The following HCN1 variants were observed in gnomAD, a reference collection of about 807,000 sequenced individuals.
The protein encoded by HCN1 is potassium/sodium hyperpolarization-activated cyclic nucleotide-gated channel 1.
In HCN1, 13 loss-of-function variants were observed where a neutral mutation model predicts 78.9. The ratio of observed to expected loss-of-function variants is 0.16; its 90% CI spans 0.11 to 0.26. The LOEUF (loss-of-function observed/expected upper bound fraction) is 0.26. HCN1 is among the 10% of genes least tolerant of loss of function. HCN1 has a pLI of 1.00. For missense variants in HCN1, 810 were observed against 1,154.3 expected, an observed-to-expected ratio of 0.70 and a Z score of 4.32; for synonymous variants, 552 against 455.5, an observed-to-expected ratio of 1.21 and a Z score of -2.70.
chr5:45,345,085 G>A (rs1463813743), intron 5 of HCN1, among the ~76,000 whole-genome samples: 1 of 152,052 alleles, frequency 6.6e-6, no homozygotes, highest in South Asian at 2.1e-4. Context: ...CTTGACTTTT[G>A]TGACCCCCAC....
chr5:45,515,261 C>A (rs1742495172), intron 2 of HCN1, among the ~76,000 whole-genome samples: 1 of 151,676 alleles, frequency 6.6e-6, no homozygotes, highest in Non-Finnish European at 1.5e-5. Flanking sequence ...AATTACTTGC[C>A]CAAAGAAGCT....
intron 4 of HCN1, among the ~76,000 whole-genome samples, chr5:45,395,995 G>A (rs1257232679): frequency 6.6e-6 from 1 of 152,172 alleles, no homozygotes; most frequent in Non-Finnish European, 1.5e-5. Flanking sequence ...TAAGACTGGA[G>A]AGTGTGGCGA....
intron 2 of HCN1, among the ~76,000 whole-genome samples, chr5:45,467,723 G>C (rs1364412790): frequency 6.6e-6 from 1 of 151,814 alleles, no homozygotes; most frequent in Non-Finnish European, 1.5e-5. Context: ...TTCAGTTTCA[G>C]CTTAAAGTTT....
intron 2 of HCN1, among the ~76,000 whole-genome samples, chr5:45,507,386 G>A (rs575820710): frequency 2.0e-4 from 30 of 152,258 alleles, no homozygotes; most frequent in African/African-American, 7.2e-4. Context: ...GCCTTAGTCT[G>A]AGCATGGTTT....
intron 2 of HCN1, among the ~76,000 whole-genome samples, chr5:45,590,467 A>G (rs1460299008): frequency 6.6e-6 from 1 of 152,202 alleles, no homozygotes; most frequent in Non-Finnish European, 1.5e-5. Context: ...TGGCTTTGGT[A>G]TAGTTACAGT....
chr5:45,396,375 A>T, intron 4 of HCN1, 117 bp downstream of exon 4: 1 of 835,764 alleles, frequency 1.2e-6, no homozygotes, highest in Non-Finnish European at 2.0e-6. Context: ...TTTACTTTAA[A>T]CATTTTATCT....
chr5:45,347,181 C>T (rs559073329), intron 5 of HCN1, among the ~76,000 whole-genome samples: 8 of 152,288 alleles, frequency 5.3e-5, no homozygotes, highest in South Asian at 2.1e-4. Context: ...TCCAGAGGAA[C>T]GATCAGACAG....
intron 2 of HCN1, among the ~76,000 whole-genome samples, chr5:45,568,758 G>A (rs1743767252): frequency 6.6e-6 from 1 of 151,990 alleles, no homozygotes; most frequent in Non-Finnish European, 1.5e-5. Context: ...AAACCACTAG[G>A]TTCTTTTTTT....
chr5:45,451,104 T>C (rs953136534), intron 3 of HCN1, among the ~76,000 whole-genome samples: 9 of 152,280 alleles, frequency 5.9e-5, no homozygotes, highest in African/African-American at 2.2e-4. Context: ...TACAATGAAT[T>C]TGAATACAAA....
chr5:45,386,875 T>C (rs1747934325), intron 4 of HCN1, among the ~76,000 whole-genome samples: 1 of 152,088 alleles, frequency 6.6e-6, no homozygotes, highest in East Asian at 1.9e-4. Context: ...AATATTTTAA[T>C]AGAGGCTTTT....
chr5:45,560,296 T>C (rs1183787560), intron 2 of HCN1, among the ~76,000 whole-genome samples: 2 of 152,096 alleles, frequency 1.3e-5, no homozygotes, highest in African/African-American at 4.8e-5. Context: ...AGTCATATAC[T>C]GAAATTTTAT....
At chr5:45,327,992 G>A (rs1281034393) in intron 5 of HCN1, among the ~76,000 whole-genome samples, 1 of 151,636 alleles carries the variant, frequency 6.6e-6, no homozygotes. Context: ...CAGCAAGTTA[G>A]GCTGGTCAAA....
At chr5:45,334,020 T>G (rs1027112577) in intron 5 of HCN1, among the ~76,000 whole-genome samples, 3 of 151,814 alleles carry the variant, frequency 2.0e-5, no homozygotes, top group Non-Finnish European at 4.4e-5. Context: ...TTTCCAATTA[T>G]CTTCATAATT....
intron 1 of HCN1, among the ~76,000 whole-genome samples, chr5:45,678,927 C>G (rs1158584757): frequency 6.6e-6 from 1 of 151,922 alleles, no homozygotes; most frequent in Non-Finnish European, 1.5e-5. Flanking sequence ...TGATGAACTA[C>G]AAATGAAGCT....
At chr5:45,344,351 G>T (rs144692708) in intron 5 of HCN1, among the ~76,000 whole-genome samples, 2 of 151,968 alleles carry the variant, frequency 1.3e-5, no homozygotes, top group Non-Finnish European at 2.9e-5. Context: ...TTCCACCCCT[G>T]CCCCCTACCA....
At chr5:45,339,259 A>G (rs1746525284) in intron 5 of HCN1, among the ~76,000 whole-genome samples, 1 of 152,206 alleles carries the variant, frequency 6.6e-6, no homozygotes, top group South Asian at 2.1e-4. Context: ...TAGTCTTTAA[A>G]GAGATAATAA....
intron 5 of HCN1, among the ~76,000 whole-genome samples, chr5:45,323,708 C>T (rs890147096): frequency 6.6e-6 from 1 of 151,876 alleles, no homozygotes; most frequent in Non-Finnish European, 1.5e-5. Flanking sequence ...AATGCTATCC[C>T]TCCCCCATCC....
chr5:45,573,981 C>A lies in HCN1; in HGVS notation c.849+71204G>T, dbSNP rs529233668. Among the ~76,000 whole-genome samples, 189 of 151,710 alleles carry A rather than the reference C, an allele frequency of 1.2e-3. 1 individual carries two copies. Among genetic ancestry groups the A allele is most frequent in the African/African-American group, 4.4e-3 (182 of 41,400 alleles). Reference sequence around the variant, plus strand: ...TAATAAATGTAAGATAAGTAGATTCCCAATAGCATATACAAAATAAAACTT... The same window carrying A: ...TAATAAATGTAAGATAAGTAGATTCACAATAGCATATACAAAATAAAACTT... On this transcript the variant is annotated intron_variant, in intron 2 of 7. Transcript: ENST00000303230.
chr5:45,326,566 G>A (rs2111944833), intron 5 of HCN1, among the ~76,000 whole-genome samples: 1 of 151,602 alleles, frequency 6.6e-6, no homozygotes. Flanking sequence ...ACTATTACTT[G>A]CTTACAAACC....
Sources: gnomAD v4.1 joint callset for allele counts (sites outside exome capture counted in the v4.1 genomes callset) on GRCh38, gnomAD v4.1.1 for gene constraint, MANE v1.5 for transcripts, NCBI Gene and HGNC (gene_info 2026-07-23, HGNC 2026-07-21) for gene names.